The following JAKMIP3 variants were observed in gnomAD, a reference collection of about 807,000 sequenced individuals.
The protein encoded by JAKMIP3 is Janus kinase and microtubule interacting protein 3.
JAKMIP3 carries 58 observed loss-of-function variants against 118.5 expected under a neutral mutation model. The observed-to-expected ratio is 0.49, with a 90% CI of 0.40 to 0.61. The LOEUF is 0.61. Ranked by LOEUF, JAKMIP3 falls within the 20% of genes least tolerant of loss-of-function variation. The pLI is 0.00. For missense variants in JAKMIP3, 950 were observed against 1,109.0 expected (o/e 0.86, Z 2.04); for synonymous variants, 486 against 451.2 (o/e 1.08, Z -0.98).
chr10:132,038,169 G>T (rs2037578186), intron 1 of JAKMIP3, among the ~76,000 whole-genome samples: 1 of 152,138 alleles, frequency 6.6e-6, no homozygotes, highest in African/African-American at 2.4e-5. Flanking sequence ...CATGATTCTG[G>T]CTTTTATTGT....
chr10:132,045,115 G>C (rs1420763312), intron 1 of JAKMIP3, among the ~76,000 whole-genome samples: 3 of 152,102 alleles, frequency 2.0e-5, no homozygotes, highest in Non-Finnish European at 2.9e-5. Flanking sequence ...CACAGTGCCT[G>C]CCTCAGTTCA....
chr10:132,096,970 C>T (rs2043954374), intron 1 of JAKMIP3, among the ~76,000 whole-genome samples: 1 of 152,186 alleles, frequency 6.6e-6, no homozygotes, highest in South Asian at 2.1e-4. Context: ...TAGGCAGCAG[C>T]CTCACAGCAG....
intron 1 of JAKMIP3, among the ~76,000 whole-genome samples, chr10:132,103,125 G>T (rs1157849590): frequency 6.6e-6 from 1 of 152,056 alleles, no homozygotes; most frequent in Non-Finnish European, 1.5e-5. Flanking sequence ...TGCCTTCACT[G>T]CCCTGTAACA....
rs768588936 is a variant in JAKMIP3, at chr10:132,140,524, A to C, written c.1418A>C (p.Tyr473Ser). The change falls in exon 10 of 24, where the codon TAC (tyrosine) becomes TCC (serine). Residue 473 changes from tyrosine to serine, a missense_variant. Physicochemically the swap from Tyr to Ser is moderately radical, Grantham distance 144. Coordinates refer to ENST00000684848, the MANE Select transcript of JAKMIP3 (RefSeq NM_001323087.2). ...SLESDGSSVS[Y>S]QTDRTDQTPC... ...GAATCCGACGGCTCCTCCGTCTCTT[A>C]CCAAACAGACAGGACGGACCAGACC... 1 of 1,613,716 alleles carries C rather than the reference A, an allele frequency of 6.2e-7. No homozygotes were observed. Among genetic ancestry groups the C allele is most frequent in the Admixed American group, 1.7e-5 (1 of 59,996 alleles).
rs1190012467 is a variant in JAKMIP3 at position 132,117,583 on chromosome 10, G to A, written c.633+9G>A. ...GGGAGATCCGCAGGCTGGTACGTGG[G>A]CAGGCAGGGGCGGGCGTGGGCGAGG... On this transcript the variant is annotated intron_variant, in intron 3 of 23. Transcript: ENST00000684848. This position sits in a 1 kb window ranked among gnomAD's most constrained non-coding sequence, Gnocchi z 8.6. 6.5e-7 allele frequency: 1 copy of A among 1,537,408 alleles called. No homozygotes were observed. The highest frequency in any genetic ancestry group is 8.8e-7 in the Non-Finnish European group (1 of 1,138,256).
Position 132,127,108 on chromosome 10 carries a change from AATAAAT to A in JAKMIP3, c.634-6198_634-6193del, listed in dbSNP as rs563152289. Among the ~76,000 whole-genome samples, 24 of 152,282 alleles carry A rather than the reference AATAAAT, an allele frequency of 1.6e-4. No individual in the cohort carries two copies. The South Asian group carries it at 2.7e-3, about 17-fold the overall frequency. On this transcript the variant is annotated intron_variant, in intron 3 of 23. Transcript: ENST00000684848. ...TTTAAATTATGAATTAAATGTATTT[AATAAAT>A]ATAAAGTTCAGATTTTATGTTTATT...
At chr10:132,155,911 G>A (rs2057034191) in intron 19 of JAKMIP3, among the ~76,000 whole-genome samples, 1 of 152,306 alleles carries the variant, frequency 6.6e-6, no homozygotes, top group South Asian at 2.1e-4. Flanking sequence ...GGGGACCTGT[G>A]CAGCACGGAG....
chr10:132,085,265 A>G (rs2042244176), intron 1 of JAKMIP3, among the ~76,000 whole-genome samples: 1 of 152,174 alleles, frequency 6.6e-6, no homozygotes, highest in Non-Finnish European at 1.5e-5. Context: ...TGGTCTGTTC[A>G]GAGTATCTGG....
intron 1 of JAKMIP3, among the ~76,000 whole-genome samples, chr10:132,073,260 A>ACTACAAGCTCTGCCTCC (rs2040257479): frequency 6.6e-6 from 1 of 152,080 alleles, no homozygotes; most frequent in Non-Finnish European, 1.5e-5. Context: ...ATCTCGGCTC[A>ACTACAAGCTCTGCCTCC]CTACAAGCTC....
intron 8 of JAKMIP3, 110 bp downstream of exon 8, chr10:132,137,399 C>T (rs2052025116): frequency 7.3e-7 from 1 of 1,377,900 alleles, no homozygotes; most frequent in East Asian, 2.3e-5. Context: ...GCGGCCGCGG[C>T]AGCCTTTCGG....
At chr10:132,180,604 CGTGTGTGTGTGCGT>C (rs1233656596) in intron 23 of JAKMIP3, among the ~76,000 whole-genome samples, 1 of 11,984 alleles carries the variant, frequency 8.3e-5, no homozygotes, top group Non-Finnish European at 1.4e-4. Flanking sequence ...TGTGCGTGCG[CGTGTGTGTGTGCGT>C]GTGTGTGCGT....
intron 10 of JAKMIP3, 61 bp downstream of exon 10, chr10:132,140,640 G>C (rs186558312): frequency 5.0e-4 from 623 of 1,243,954 alleles, no homozygotes; most frequent in Middle Eastern, 1.2e-3. Context: ...CTCCTGCCGG[G>C]TCCTGGGCTT....
At chr10:132,123,132 G>A (rs1209445127) in intron 3 of JAKMIP3, among the ~76,000 whole-genome samples, 1 of 152,158 alleles carries the variant, frequency 6.6e-6, no homozygotes. Context: ...TGGAAGGGGC[G>A]AGGCACTTTC....
intron 3 of JAKMIP3, among the ~76,000 whole-genome samples, chr10:132,122,677 G>A (rs2048765427): frequency 2.0e-5 from 3 of 152,206 alleles, no homozygotes; most frequent in Admixed American, 1.3e-4. Flanking sequence ...GACAGGAGAG[G>A]CCTGCAGGGT....
intron 1 of JAKMIP3, among the ~76,000 whole-genome samples, chr10:132,048,451 G>C (rs1406402077): frequency 6.6e-6 from 1 of 152,122 alleles, no homozygotes; most frequent in Non-Finnish European, 1.5e-5. Context: ...ATGTCAGTAG[G>C]GACACGTGGA....
chr10:132,141,802 C>T, intron 10 of JAKMIP3, 118 bp from the exon 11 acceptor site: 1 of 1,169,908 alleles, frequency 8.5e-7, no homozygotes, highest in Non-Finnish European at 1.2e-6. Context: ...CTAGAGAGAC[C>T]CCCCCATACA....
At chr10:132,174,642 C>T (rs957708076) in intron 23 of JAKMIP3, among the ~76,000 whole-genome samples, 21 of 152,144 alleles carry the variant, frequency 1.4e-4, no homozygotes, top group African/African-American at 4.8e-4. Context: ...AGGATTGGGT[C>T]TGCTGGATTA....
chr10:132,118,354 A>T lies in JAKMIP3; in HGVS notation c.633+780A>T, dbSNP rs965708152. Among the ~76,000 whole-genome samples the T allele has an allele frequency of 1.3e-5, 2 of 152,150 alleles. No homozygotes were observed. The highest frequency in any genetic ancestry group is 2.9e-5 in the Non-Finnish European group (2 of 68,016). The stretch of plus-strand genomic sequence containing the variant: ...CCACCCGATGCCCCTTGTCCTTTGG[A>T]GAGGAGACTGTCCTGTGATTTTGGG... On this transcript the variant is annotated intron_variant, in intron 3 of 23. Coordinates refer to ENST00000684848, the MANE Select transcript of JAKMIP3 (RefSeq NM_001323087.2). This position sits in a 1 kb window ranked among gnomAD's most constrained non-coding sequence, Gnocchi z 4.8.
At chr10:132,055,366 C>T (rs894632361) in intron 1 of JAKMIP3, among the ~76,000 whole-genome samples, 3 of 152,190 alleles carry the variant, frequency 2.0e-5, no homozygotes, top group Non-Finnish European at 2.9e-5. Flanking sequence ...AGGCAGGTCA[C>T]GTTGGCCACC....
Sources: allele counts gnomAD v4.1 joint callset (sites outside exome capture counted in the v4.1 genomes callset), GRCh38; gene constraint gnomAD v4.1.1; non-coding constraint Gnocchi (gnomAD v3.1); transcripts MANE v1.5; gene names NCBI Gene and HGNC (gene_info 2026-07-23, HGNC 2026-07-21).